FGGY: variants seen among roughly 807,000 people sequenced by gnomAD.
FGGY encodes the protein FGGY carbohydrate kinase domain containing.
FGGY carries 72 observed loss-of-function variants against 71.3 expected under a neutral mutation model. The observed-to-expected ratio is 1.01, with a 90% CI of 0.84 to 1.23. The LOEUF (loss-of-function observed/expected upper bound fraction) is 1.23, where lower values mean the gene tolerates loss of function less well. FGGY is among the 50% of genes most tolerant of loss of function. The pLI is 0.00. For missense variants in FGGY, 668 were observed against 682.3 expected, an observed-to-expected ratio of 0.98 and a Z score of 0.23; for synonymous variants, 251 against 250.3, an observed-to-expected ratio of 1.00 and a Z score of -0.02.
At chr1:59,685,666 ATTGTT>A (rs2097538320) in intron 14 of FGGY, among the ~76,000 whole-genome samples, 1 of 152,192 alleles carries the variant, frequency 6.6e-6, no homozygotes, top group Non-Finnish European at 1.5e-5. Context: ...TGAAAATCAG[ATTGTT>A]TTAATTCTGG....
chr1:59,521,532 G>T (rs1570614825), intron 7 of FGGY, among the ~76,000 whole-genome samples: 2 of 152,166 alleles, frequency 1.3e-5, no homozygotes, highest in African/African-American at 4.8e-5. Flanking sequence ...AACCTGCCAT[G>T]AAACCATAAT....
intron 14 of FGGY, among the ~76,000 whole-genome samples, chr1:59,674,870 C>A (rs1234253484): frequency 6.6e-6 from 1 of 152,132 alleles, no homozygotes; most frequent in Non-Finnish European, 1.5e-5. Context: ...AAGCTAAGAG[C>A]ATACAGGCTC....
chr1:59,310,077 G>C (rs2044030092), intron 1 of FGGY: 1 of 152,106 alleles, frequency 6.6e-6, no homozygotes, highest in South Asian at 2.1e-4. Flanking sequence ...TCTGAGGGGG[G>C]AAATTTTGCA....
chr1:59,658,870 G>C (rs1342157133), intron 11 of FGGY, among the ~76,000 whole-genome samples: 1 of 152,172 alleles, frequency 6.6e-6, no homozygotes, highest in Admixed American at 6.5e-5. Context: ...AGATTTGGGA[G>C]ATCAAATGTA....
chr1:59,303,931 T>TA (rs1227078718), intron 1 of FGGY, among the ~76,000 whole-genome samples: 1 of 151,998 alleles, frequency 6.6e-6, no homozygotes, highest in Non-Finnish European at 1.5e-5. Flanking sequence ...CTTTGCCCAT[T>TA]AAAAAAAATT....
intron 1 of FGGY, among the ~76,000 whole-genome samples, chr1:59,307,313 C>CAAAAAAAAAAAAA (rs398049311): frequency 1.5e-5 from 1 of 67,380 alleles, no homozygotes; most frequent in African/African-American, 5.7e-5. Context: ...GACCCTGTCT[C>CAAAAAAAAAAAAA]AAAAAAAAAA....
chr1:59,574,910 T>TAATATAG (rs918828196), intron 8 of FGGY, among the ~76,000 whole-genome samples: 1 of 152,174 alleles, frequency 6.6e-6, no homozygotes, highest in African/African-American at 2.4e-5. Flanking sequence ...TAGTTATGTT[T>TAATATAG]AATATAGGTT....
intron 7 of FGGY, among the ~76,000 whole-genome samples, chr1:59,538,148 C>T (rs968715700): frequency 9.2e-5 from 14 of 151,904 alleles, no homozygotes; most frequent in African/African-American, 2.2e-4. Flanking sequence ...AACAAATTTA[C>T]GAGAAAAAAA....
chr1:59,359,838 TC>T (rs2055078075), intron 4 of FGGY, among the ~76,000 whole-genome samples: 1 of 152,158 alleles, frequency 6.6e-6, no homozygotes, highest in African/African-American at 2.4e-5. Context: ...ATCTGAATGA[TC>T]AGTGTCTTTT....
At chr1:59,700,081 A>T (rs2097697437) in intron 14 of FGGY, among the ~76,000 whole-genome samples, 1 of 152,208 alleles carries the variant, frequency 6.6e-6, no homozygotes. Flanking sequence ...GTCTGTTACA[A>T]ACACATTAAA....
At chr1:59,512,586 G>T in intron 7 of FGGY, 147 bp downstream of exon 7, 1 of 683,776 alleles carries the variant, frequency 1.5e-6, no homozygotes, top group Non-Finnish European at 2.1e-6. Context: ...TTTACAGCTA[G>T]GCATTTGGAT....
chr1:59,627,869 T>A (rs1029617474), intron 10 of FGGY, among the ~76,000 whole-genome samples: 1 of 152,064 alleles, frequency 6.6e-6, no homozygotes, highest in African/African-American at 2.4e-5. Flanking sequence ...AGTCCATAAG[T>A]AAATAACTTT....
chr1:59,600,448 T>C (rs2096566098), intron 8 of FGGY, among the ~76,000 whole-genome samples: 1 of 152,066 alleles, frequency 6.6e-6, no homozygotes, highest in African/African-American at 2.4e-5. Flanking sequence ...ATTGCACACA[T>C]AGGACTGGAT....
intron 5 of FGGY, among the ~76,000 whole-genome samples, chr1:59,452,728 C>G (rs1408838059): frequency 6.6e-6 from 1 of 152,204 alleles, no homozygotes; most frequent in African/African-American, 2.4e-5. Flanking sequence ...CTGGCAGTCA[C>G]CCAACCGGCC....
intron 14 of FGGY, among the ~76,000 whole-genome samples, chr1:59,752,586 C>T (rs2098255242): frequency 6.6e-6 from 1 of 152,234 alleles, no homozygotes. Context: ...GAATCCACAT[C>T]TTTTCCAAGG....
intron 8 of FGGY, among the ~76,000 whole-genome samples, chr1:59,559,974 T>C (rs965786611): frequency 2.6e-5 from 4 of 152,208 alleles, no homozygotes; most frequent in African/African-American, 9.6e-5. Context: ...AGCATAACTT[T>C]CCACTCCTTA....
At chr1:59,545,092 T>C (rs1197830246) in intron 7 of FGGY, among the ~76,000 whole-genome samples, 4 of 152,244 alleles carry the variant, frequency 2.6e-5, no homozygotes, top group Non-Finnish European at 5.9e-5. Flanking sequence ...GTCATTCGCA[T>C]AGTGTCTTAT....
intron 12 of FGGY, among the ~76,000 whole-genome samples, chr1:59,663,512 G>T (rs973962181): frequency 6.6e-6 from 1 of 152,120 alleles, no homozygotes; most frequent in Admixed American, 6.5e-5. Context: ...GCGGGCAGGA[G>T]AGGGGAAGAA....
intron 6 of FGGY, among the ~76,000 whole-genome samples, chr1:59,469,038 G>A (rs1337138903): frequency 6.6e-6 from 1 of 152,072 alleles, no homozygotes; most frequent in Admixed American, 6.5e-5. Context: ...GTTGGAATCT[G>A]GCTAGACTTT....
Sources: gnomAD v4.1 joint callset for allele counts (sites outside exome capture counted in the v4.1 genomes callset) on GRCh38, gnomAD v4.1.1 for gene constraint, MANE v1.5 for transcripts, NCBI Gene and HGNC (gene_info 2026-07-23, HGNC 2026-07-21) for gene names.